Variants in PRRC1 observed in about 807,000 individuals in gnomAD.
PRRC1 encodes the protein protein PRRC1.
A neutral mutation model predicts 40.7 loss-of-function variants in PRRC1; 39 were observed. The ratio of observed to expected loss-of-function variants is 0.96; its 90% confidence interval spans 0.74 to 1.25. The LOEUF is 1.25. Ranked by LOEUF, PRRC1 falls within the 50% of genes most tolerant of loss-of-function variation. The pLI is 0.00. For synonymous variants in PRRC1, 175 were observed against 193.3 expected, an observed-to-expected ratio of 0.91 and a Z score of 0.79; for missense variants, 573 against 548.3, an observed-to-expected ratio of 1.05 and a Z score of -0.45.
intron 6 of PRRC1, among the ~76,000 whole-genome samples, chr5:127,538,137 T>A (rs1767945090): frequency 6.6e-6 from 1 of 152,040 alleles, no homozygotes; most frequent in Admixed American, 6.6e-5. Flanking sequence ...AGCTAGTATC[T>A]TAAATTGTCT....
At chr5:127,547,354 T>G (rs1768254500) in intron 7 of PRRC1, among the ~76,000 whole-genome samples, 1 of 152,056 alleles carries the variant, frequency 6.6e-6, no homozygotes, top group Non-Finnish European at 1.5e-5. Context: ...GAAGAGAGTA[T>G]TTGTTATTAT....
chr5:127,527,059 A>C (rs1023524429), intron 4 of PRRC1, among the ~76,000 whole-genome samples: 1 of 151,938 alleles, frequency 6.6e-6, no homozygotes, highest in South Asian at 2.1e-4. Flanking sequence ...GCCGTAAAAT[A>C]TTTTTTTCAG....
chr5:127,525,438 GT>G (rs1346068760), intron 3 of PRRC1, among the ~76,000 whole-genome samples: 1 of 152,104 alleles, frequency 6.6e-6, no homozygotes, highest in Admixed American at 6.5e-5. Flanking sequence ...TTAATGTTGG[GT>G]TGTTTTCCAC....
chr5:127,551,418 C>T, intron 8 of PRRC1: 1 of 330,092 alleles, frequency 3.0e-6, no homozygotes, highest in Non-Finnish European at 5.7e-6. Flanking sequence ...ATTTTAGTAC[C>T]AATCTTATTA....
chr5:127,537,945 C>G (rs997019206), intron 6 of PRRC1, among the ~76,000 whole-genome samples: 1 of 151,948 alleles, frequency 6.6e-6, no homozygotes, highest in Non-Finnish European at 1.5e-5. Flanking sequence ...GTATTCTTAA[C>G]ATTGACCACA....
At chr5:127,531,583 CTA>C (rs1767770497) in intron 5 of PRRC1, among the ~76,000 whole-genome samples, 1 of 149,300 alleles carries the variant, frequency 6.7e-6, no homozygotes, top group South Asian at 2.1e-4. Context: ...AGAGCAAACC[CTA>C]TGAGGTGCCA....
chr5:127,524,834 GT>G lies in PRRC1; in HGVS notation c.409del (p.Ser137GlnfsTer18), dbSNP rs1767574357. ...SGPPISGFSV[G>X]STYDITRGHA... is the part of the protein sequence containing the mutation. ...CCTCCTATATCAGGATTTTCTGTTG[GT>G]TCAACTTATGACATTACAAGGGGAC... On this transcript the variant is annotated frameshift_variant, in exon 3 of 9. Coordinates refer to ENST00000296666, the MANE Select transcript of PRRC1 (RefSeq NM_130809.5). LOFTEE classifies it high-confidence loss of function. 6.2e-7 allele frequency: 1 copy of G among 1,614,110 alleles called. No homozygotes were observed. The highest frequency in any genetic ancestry group is 8.5e-7 in the Non-Finnish European group (1 of 1,180,026).
chr5:127,547,493 C>T (rs541282668), intron 7 of PRRC1, among the ~76,000 whole-genome samples: 1 of 152,158 alleles, frequency 6.6e-6, no homozygotes, highest in Admixed American at 6.5e-5. Context: ...AAGCTGTTTG[C>T]ATATTCAATG....
Position 127,524,517 on chromosome 5 carries a change from C to G in PRRC1, c.104-14C>G, listed in dbSNP as rs751948541. 25 of 1,585,632 alleles carry G rather than the reference C, an allele frequency of 1.6e-5. No individual in the cohort carries two copies. The highest frequency in any genetic ancestry group is 2.3e-5 in the South Asian group (2 of 88,264). ...TTCTAATTCTGTGCTTTTATCCTCT[C>G]CACTTTTTTCTAGCGGCAACCAGTT... On this transcript the variant is annotated splice_polypyrimidine_tract_variant and intron_variant, in intron 2 of 8. Transcript: ENST00000296666.
In PRRC1 at chr5:127,552,922, CTATTT is replaced by C. The variant is rs1768430122; in HGVS notation, c.*1010_*1014del. ...CTTTTTATGGATGTTTTCAAAGAAA[CTATTT>C]TATATTCAATCTAGTTTATTTAGTC... On this transcript the variant is annotated 3_prime_UTR_variant, in exon 9 of 9. Transcript: ENST00000296666. 7.7e-6 allele frequency: 7 copies of C among 914,822 alleles called. No homozygotes were observed. The South Asian group carries it at 3.1e-4, about 40-fold the overall frequency. The allele number at this position is 914,822 out of a possible 1,614,324, so 56.7% of individuals were successfully genotyped here. A position where few individuals can be genotyped will look rare whatever the true frequency, so the allele number is the denominator to read the frequency against.
chr5:127,535,689 C>T (rs146959553), intron 6 of PRRC1, among the ~76,000 whole-genome samples: 19 of 152,248 alleles, frequency 1.2e-4, no homozygotes, highest in African/African-American at 4.1e-4. Context: ...TAATAGCCTG[C>T]ATTTTTTGAG....
Position 127,552,037 on chromosome 5 carries a change from T to A in PRRC1, c.*121T>A. The A allele has an allele frequency of 6.8e-7, 1 of 1,461,732 alleles. No individual in the cohort carries two copies. Among genetic ancestry groups the A allele is most frequent in the Non-Finnish European group, 9.0e-7 (1 of 1,106,430 alleles). 90.5% of individuals were successfully genotyped at this position (1,461,732 alleles called of 1,614,324 possible). A position where few individuals can be genotyped will look rare whatever the true frequency, so the allele number is the denominator to read the frequency against. On this transcript the variant is annotated 3_prime_UTR_variant, in exon 9 of 9. Coordinates refer to ENST00000296666, the MANE Select transcript of PRRC1 (RefSeq NM_130809.5). ...TCCAGTAGTTTTTATCATTTTCCTG[T>A]AGCCTGCAATTTTTCTTTCTCTAGA... is the stretch of plus-strand genomic sequence containing the variant.
intron 4 of PRRC1, among the ~76,000 whole-genome samples, chr5:127,527,762 A>AG: frequency 6.6e-6 from 1 of 151,258 alleles, no homozygotes; most frequent in East Asian, 1.9e-4. Context: ...TGTCTCAAAA[A>AG]AAAAAAAAAA....
chr5:127,552,150 A>C lies in PRRC1; in HGVS notation c.*234A>C. ...ACCTATCATAGTACTCAAAAAAGAAAATATACAAATCTATTTACAGCACAA... is the reference window on the plus strand; with the variant it reads ...ACCTATCATAGTACTCAAAAAAGAACATATACAAATCTATTTACAGCACAA... On this transcript the variant is annotated 3_prime_UTR_variant, in exon 9 of 9. Coordinates refer to ENST00000296666, the MANE Select transcript of PRRC1 (RefSeq NM_130809.5). The C allele has an allele frequency of 7.6e-7, 1 of 1,314,490 alleles. No homozygotes were observed. The highest frequency in any genetic ancestry group is 9.7e-7 in the Non-Finnish European group (1 of 1,030,580). 81.4% of individuals were successfully genotyped at this position (1,314,490 alleles called of 1,614,324 possible).
At chr5:127,539,426 G>C (rs916661242) in intron 7 of PRRC1, among the ~76,000 whole-genome samples, 1 of 151,990 alleles carries the variant, frequency 6.6e-6, no homozygotes, top group Non-Finnish European at 1.5e-5. Context: ...ATTTGGTGTG[G>C]ATATAATTGA....
chr5:127,531,615 T>G (rs1206927556), intron 5 of PRRC1, among the ~76,000 whole-genome samples: 1 of 95,246 alleles, frequency 1.0e-5, no homozygotes, highest in Non-Finnish European at 2.0e-5. Context: ...ATTCTTCTTC[T>G]TCTTTTTTTT....
At chr5:127,520,827 C>T (rs1767440778) in intron 1 of PRRC1, among the ~76,000 whole-genome samples, 1 of 152,044 alleles carries the variant, frequency 6.6e-6, no homozygotes, top group African/African-American at 2.4e-5. Context: ...CAAATAAGAT[C>T]TATAGTTAAT....
intron 1 of PRRC1, among the ~76,000 whole-genome samples, chr5:127,522,354 G>A (rs1282231813): frequency 1.3e-5 from 2 of 152,278 alleles, no homozygotes; most frequent in East Asian, 3.9e-4. Flanking sequence ...TGTGAACTAG[G>A]AAAATTGTGA....
At chr5:127,546,867 A>G (rs1433745970) in intron 7 of PRRC1, among the ~76,000 whole-genome samples, 1 of 152,180 alleles carries the variant, frequency 6.6e-6, no homozygotes, top group South Asian at 2.1e-4. Flanking sequence ...CTATTAGTCT[A>G]CCAAATAAAA....
Sources: gnomAD v4.1 joint callset for allele counts (sites outside exome capture counted in the v4.1 genomes callset) on GRCh38, gnomAD v4.1.1 for gene constraint, MANE v1.5 for transcripts, NCBI Gene and HGNC (gene_info 2026-07-23, HGNC 2026-07-21) for gene names.